RTKN2: variants seen among roughly 807,000 people sequenced by gnomAD.
RTKN2 encodes the protein rhotekin 2.
Under a neutral mutation model 71.5 loss-of-function variants are expected in RTKN2, and 69 were observed. That is an observed-to-expected ratio of 0.96 (90% CI 0.79 to 1.18). The LOEUF (loss-of-function observed/expected upper bound fraction) is 1.18. RTKN2 is among the 50% of genes most tolerant of loss of function. The pLI is 0.00. For missense variants in RTKN2, 724 were observed against 719.7 expected (o/e 1.01, Z -0.07); for synonymous variants, 236 against 236.5 (o/e 1.00, Z 0.02).
intron 6 of RTKN2, among the ~76,000 whole-genome samples, chr10:62,229,763 T>A (rs139407482): frequency 1.3e-5 from 2 of 152,320 alleles, no homozygotes; most frequent in East Asian, 3.9e-4. Flanking sequence ...ATAACCAAAC[T>A]ATATGTTTAA....
chr10:62,212,342 CT>C (rs1841679607), intron 9 of RTKN2, among the ~76,000 whole-genome samples: 1 of 150,936 alleles, frequency 6.6e-6, no homozygotes, highest in African/African-American at 2.4e-5. Context: ...GCAATCCAGC[CT>C]GGGCAACAGA....
intron 6 of RTKN2, among the ~76,000 whole-genome samples, chr10:62,232,578 A>G (rs1020056872): frequency 2.6e-5 from 4 of 152,114 alleles, no homozygotes; most frequent in Non-Finnish European, 5.9e-5. Context: ...TTGGGATTAC[A>G]GGTATGAGCC....
At chr10:62,255,932 T>C (rs1485671210) in intron 2 of RTKN2, among the ~76,000 whole-genome samples, 1 of 151,764 alleles carries the variant, frequency 6.6e-6, no homozygotes, top group Non-Finnish European at 1.5e-5. Flanking sequence ...ACACAGAATA[T>C]GAGAAAAGGT....
At chr10:62,242,085 C>G (rs1005374674) in intron 3 of RTKN2, among the ~76,000 whole-genome samples, 3 of 149,170 alleles carry the variant, frequency 2.0e-5, no homozygotes, top group Non-Finnish European at 4.4e-5. Context: ...TGGGCTCAAG[C>G]AATCTGCCCT....
In RTKN2 at chr10:62,268,729, G is replaced by C. The variant is rs573707204; in HGVS notation, c.-119C>G. On this transcript the variant is annotated 5_prime_UTR_variant, in exon 1 of 12. Transcript: ENST00000373789. ...CCGGCCGTACCAAGTCCCAGTCGCA[G>C]GGGCCGGGGGCGCAGGAGGAGCCGG... 471 of 1,050,866 alleles carry C rather than the reference G, an allele frequency of 4.5e-4. 2 individuals are homozygous for C. In the South Asian group the frequency reaches 7.3e-3, roughly 16 times the overall value. The allele number at this position is 1,050,866 out of a possible 1,614,324, so 65.1% of individuals were successfully genotyped here.
intron 9 of RTKN2, among the ~76,000 whole-genome samples, chr10:62,207,214 T>C (rs1201815349): frequency 2.0e-5 from 3 of 152,028 alleles, no homozygotes; most frequent in Non-Finnish European, 4.4e-5. Flanking sequence ...AACCACTACA[T>C]AGAAAATCTG....
intron 2 of RTKN2, among the ~76,000 whole-genome samples, chr10:62,254,986 A>G (rs927341280): frequency 6.0e-4 from 91 of 152,142 alleles, no homozygotes; most frequent in African/African-American, 2.1e-3. Flanking sequence ...ATTAAAAAAT[A>G]AAAATGAAAT....
chr10:62,230,168 T>C (rs1842118378), intron 6 of RTKN2, among the ~76,000 whole-genome samples: 1 of 152,208 alleles, frequency 6.6e-6, no homozygotes, highest in South Asian at 2.1e-4. Context: ...TTTTCTTTTT[T>C]TCTTTTTCTT....
intron 3 of RTKN2, among the ~76,000 whole-genome samples, chr10:62,241,578 T>C (rs1420258661): frequency 6.6e-6 from 1 of 152,168 alleles, no homozygotes; most frequent in Non-Finnish European, 1.5e-5. Context: ...CACCATACTA[T>C]TTTTCTTTTT....
At chr10:62,232,256 T>C (rs1437143811) in intron 6 of RTKN2, among the ~76,000 whole-genome samples, 1 of 151,918 alleles carries the variant, frequency 6.6e-6, no homozygotes, top group Admixed American at 6.6e-5. Context: ...AATAATTTAT[T>C]CTCAAAAATT....
At chr10:62,240,960 A>T (rs1842361312) in intron 4 of RTKN2, among the ~76,000 whole-genome samples, 182 bp downstream of exon 4, 1 of 152,220 alleles carries the variant, frequency 6.6e-6, no homozygotes, top group Admixed American at 6.5e-5. Context: ...TATGCACTAT[A>T]TTAATTAGTA....
At chr10:62,238,409 T>C (rs1015348327) in intron 5 of RTKN2, 3 of 151,944 alleles carry the variant, frequency 2.0e-5, no homozygotes, top group Admixed American at 6.6e-5. Flanking sequence ...GTAACTTCTA[T>C]TGTTCTTTCC....
intron 5 of RTKN2, 26 bp from the exon 6 acceptor site, chr10:62,236,289 T>C: frequency 2.0e-6 from 3 of 1,480,258 alleles, no homozygotes; most frequent in South Asian, 1.2e-5. Context: ...TTCATAATGT[T>C]GGAAATTTAA....
rs751700218 is a variant in RTKN2 at position 62,217,127 on chromosome 10, G to A, written c.1011C>T (p.Pro337=). The A allele has an allele frequency of 8.3e-6, 13 of 1,567,030 alleles. No homozygotes were observed. Among genetic ancestry groups the A allele is most frequent in the Non-Finnish European group, 9.5e-6 (11 of 1,161,692 alleles). Residue 337 remains proline, a synonymous_variant, in exon 9 of 12, where the codon CCC becomes CCT. Coordinates refer to ENST00000373789, the MANE Select transcript of RTKN2 (RefSeq NM_145307.4). ...EAKVEPALVV[P]INKETRIRAM... is the part of the protein sequence containing the mutation. ...ATAGCATTTCCTTTACCTTGTTAAT[G>A]GGTACTACCAAAGCTGGTTCCACTT... is the stretch of plus-strand genomic sequence containing the variant.
At chr10:62,187,431 C>T (rs1841154685) in intron 8 of RTKN2, among the ~76,000 whole-genome samples, 1 of 152,164 alleles carries the variant, frequency 6.6e-6, no homozygotes, top group Non-Finnish European at 1.5e-5. Flanking sequence ...TCTGTTCACC[C>T]CTCTGTGTCA....
intron 9 of RTKN2, among the ~76,000 whole-genome samples, chr10:62,205,518 T>G (rs1036148026): frequency 6.6e-6 from 1 of 152,198 alleles, no homozygotes; most frequent in Non-Finnish European, 1.5e-5. Context: ...AAACCGTAAC[T>G]TAGTGTTTAC....
intron 10 of RTKN2, among the ~76,000 whole-genome samples, chr10:62,201,442 G>C (rs1376641566): frequency 6.6e-6 from 1 of 152,122 alleles, no homozygotes; most frequent in South Asian, 2.1e-4. Flanking sequence ...ATAAATTCTT[G>C]AGTACAAGGC....
At chr10:62,201,071 C>T (rs11599278) in intron 10 of RTKN2, among the ~76,000 whole-genome samples, 14 of 152,064 alleles carry the variant, frequency 9.2e-5, no homozygotes, top group Admixed American at 1.3e-4. Context: ...CTAGTTCCTA[C>T]GTATCTGTAT....
intron 10 of RTKN2, among the ~76,000 whole-genome samples, chr10:62,201,451 G>A (rs1841440339): frequency 6.6e-6 from 1 of 151,986 alleles, no homozygotes; most frequent in Non-Finnish European, 1.5e-5. Flanking sequence ...TGAGTACAAG[G>A]CTTCAAAGGT....
Sources: gnomAD v4.1 joint callset for allele counts (sites outside exome capture counted in the v4.1 genomes callset) on GRCh38, gnomAD v4.1.1 for gene constraint, MANE v1.5 for transcripts, NCBI Gene and HGNC (gene_info 2026-07-23, HGNC 2026-07-21) for gene names.